NAPB: variants seen among roughly 807,000 people sequenced by gnomAD.
NAPB encodes the protein NSF attachment protein beta.
NAPB carries 26 observed loss-of-function variants against 44.7 expected under a neutral mutation model. The observed-to-expected ratio is 0.58, with a 90% CI of 0.43 to 0.81. The LOEUF (loss-of-function observed/expected upper bound fraction) is 0.81, where lower values mean the gene tolerates loss of function less well. Ranked by LOEUF, NAPB falls within the 30% of genes least tolerant of loss-of-function variation. The pLI is 0.00. For missense variants in NAPB, 315 were observed against 356.4 expected (o/e 0.88, Z 0.94); for synonymous variants, 120 against 116.8 (o/e 1.03, Z -0.18).
chr20:23,395,163 T>C lies in NAPB; in HGVS notation c.318A>G (p.Ala106=), dbSNP rs1303414198. The C allele has an allele frequency of 2.5e-6, 4 of 1,614,194 alleles. No homozygotes were observed. In the East Asian group the frequency reaches 6.7e-5, roughly 27 times the overall value. Residue 106 remains alanine, a synonymous_variant, in exon 4 of 11, where the codon GCA becomes GCG. Coordinates refer to ENST00000377026, the MANE Select transcript of NAPB (RefSeq NM_022080.3). ...DPQEAINCLN[A]AIDIYTDMGR... ...CCATGTCTGTGTAAATGTCGATGGC[T>C]GCATTTAAGCAGTTGATAGCCTCTG... is the stretch of plus-strand genomic sequence containing the variant.
At chr20:23,403,460 G>C (rs1385968504) in intron 1 of NAPB, among the ~76,000 whole-genome samples, 1 of 152,122 alleles carries the variant, frequency 6.6e-6, no homozygotes, top group Non-Finnish European at 1.5e-5. Context: ...AAAATTAGCT[G>C]GGTGTGGTGG....
intron 5 of NAPB, among the ~76,000 whole-genome samples, chr20:23,392,789 G>T (rs972062368): frequency 2.0e-5 from 3 of 151,714 alleles, no homozygotes; most frequent in African/African-American, 7.3e-5. Flanking sequence ...TCCCAAAGTG[G>T]TAGGATTATA....
At chr20:23,391,227 C>A (rs558016411) in intron 5 of NAPB, among the ~76,000 whole-genome samples, 1 of 152,158 alleles carries the variant, frequency 6.6e-6, no homozygotes, top group Admixed American at 6.5e-5. Context: ...AGGAGAACTG[C>A]TTGAACCGGG....
At position 23,413,900 on chromosome 20, in the gene NAPB, C is replaced by T. The variant is rs1057431279; in HGVS notation, c.98+7405G>A. Among the ~76,000 whole-genome samples the T allele has an allele frequency of 8.5e-5, 11 of 128,758 alleles. No homozygotes were observed. In the South Asian group the frequency reaches 1.7e-3, roughly 20 times the overall value. 84.5% of individuals were successfully genotyped at this position (128,758 alleles called of 152,430 possible). ...TCTTAAATCTTCAAAGACCAGAGTC[C>T]AAAAAAAAAAAAAGAAAAACATCCA... On this transcript the variant is annotated intron_variant, in intron 1 of 10. Transcript: ENST00000377026.
chr20:23,387,050 T>C (rs1983583099), intron 7 of NAPB, among the ~76,000 whole-genome samples: 1 of 152,138 alleles, frequency 6.6e-6, no homozygotes, highest in Non-Finnish European at 1.5e-5. Context: ...TCTCAATAGA[T>C]GCAGAAAAAA....
chr20:23,400,031 T>C (rs1403778217), intron 2 of NAPB, among the ~76,000 whole-genome samples: 2 of 152,202 alleles, frequency 1.3e-5, no homozygotes, highest in Non-Finnish European at 2.9e-5. Flanking sequence ...GAATCAGTCA[T>C]GGGCCATCCT....
In NAPB at chr20:23,421,393, C is replaced by T; in HGVS notation, c.10G>A (p.Ala4Thr). The change falls in exon 1 of 11, where the codon GCG (alanine) becomes ACG (threonine). Residue 4 changes from alanine to threonine, a missense_variant. This residue lies in a region of NAPB where 179 missense variants were observed against 182.5 expected (regional missense o/e 0.98). Coordinates refer to ENST00000377026, the MANE Select transcript of NAPB (RefSeq NM_022080.3). ...TGTACTGCCTCACGCTCCTTCCCCGCGTTGTCCATGTCGCCCGCCGCGGCC... is the reference window on the plus strand; with the variant it reads ...TGTACTGCCTCACGCTCCTTCCCCGTGTTGTCCATGTCGCCCGCCGCGGCC... MDNAGKEREAVQLM... is the reference protein window; with the variant it reads MDNTGKEREAVQLM... The T allele has an allele frequency of 6.5e-7, 1 of 1,546,598 alleles. No individual in the cohort carries two copies. Among genetic ancestry groups the T allele is most frequent in the Middle Eastern group, 1.8e-4 (1 of 5,474 alleles).
chr20:23,405,360 A>G (rs981765454), intron 1 of NAPB, among the ~76,000 whole-genome samples: 1 of 152,152 alleles, frequency 6.6e-6, no homozygotes, highest in African/African-American at 2.4e-5. Flanking sequence ...AGAGAGATAA[A>G]GAAAGAGAGA....
intron 10 of NAPB, among the ~76,000 whole-genome samples, chr20:23,378,317 C>T (rs1200957962): frequency 6.6e-6 from 1 of 151,380 alleles, no homozygotes; most frequent in Non-Finnish European, 1.5e-5. Flanking sequence ...GAGTGAGGAT[C>T]TGTTTCAAAA....
intron 1 of NAPB, among the ~76,000 whole-genome samples, chr20:23,403,845 C>T (rs189288196): frequency 1.3e-5 from 2 of 152,272 alleles, no homozygotes; most frequent in Admixed American, 6.5e-5. Flanking sequence ...TCAGAAGCCA[C>T]GTCTTATGAG....
At chr20:23,391,235 G>A (rs565612311) in intron 5 of NAPB, among the ~76,000 whole-genome samples, 3 of 152,052 alleles carry the variant, frequency 2.0e-5, no homozygotes, top group African/African-American at 4.8e-5. Flanking sequence ...TGCTTGAACC[G>A]GGGAGGCAGA....
chr20:23,382,651 C>T (rs535669465), intron 7 of NAPB, among the ~76,000 whole-genome samples: 2 of 149,998 alleles, frequency 1.3e-5, no homozygotes, highest in South Asian at 4.2e-4. Flanking sequence ...AATTTCAGAA[C>T]TGAAAAAAAA....
intron 2 of NAPB, among the ~76,000 whole-genome samples, chr20:23,399,732 C>T (rs116754362): frequency 0.011 from 1,720 of 152,268 alleles, 30 homozygotes; most frequent in African/African-American, 0.04. Context: ...GTACTTGGGG[C>T]AGCACTTAAC....
At chr20:23,420,652 G>T (rs1382558865) in intron 1 of NAPB, among the ~76,000 whole-genome samples, 13 of 152,052 alleles carry the variant, frequency 8.5e-5, no homozygotes, top group Admixed American at 7.2e-4. Flanking sequence ...AATACGACTC[G>T]CTACGCACTG....
intron 1 of NAPB, among the ~76,000 whole-genome samples, chr20:23,419,123 C>T (rs1986212407): frequency 6.6e-6 from 1 of 152,146 alleles, no homozygotes; most frequent in African/African-American, 2.4e-5. Context: ...TAAACATAAC[C>T]TCACTGAACT....
At chr20:23,378,390 A>G (rs1982696648) in intron 10 of NAPB, among the ~76,000 whole-genome samples, 1 of 150,508 alleles carries the variant, frequency 6.6e-6, no homozygotes, top group South Asian at 2.1e-4. Context: ...GGAAAAACAA[A>G]AAGTATAAAG....
Position 23,390,246 on chromosome 20 carries a change from G to A in NAPB, c.439C>T (p.Gln147Ter). ...TCTCCTTTGTAATAATCAGCAGATT[G>A]TTCATAATGTGCAATAGCCTGAAAA... ...DIEKAIAHYE[Q>*]SADYYKGEES... The change falls in exon 6 of 11, where the codon CAA becomes TAA. Residue 147 changes from glutamine to a stop codon, truncating the protein, a stop_gained. Transcript: ENST00000377026. LOFTEE classifies it high-confidence loss of function. 1 of 1,610,676 alleles carries A rather than the reference G, an allele frequency of 6.2e-7. No homozygotes were observed. The highest frequency in any genetic ancestry group is 8.5e-7 in the Non-Finnish European group (1 of 1,176,902).
rs189576499 is a variant in NAPB at position 23,382,635 on chromosome 20, A to G, written c.562-1318T>C. On this transcript the variant is annotated intron_variant, in intron 7 of 10. Coordinates refer to ENST00000377026, the MANE Select transcript of NAPB (RefSeq NM_022080.3). ...GGAAAAAAGATATAAAGTAAAAACA[A>G]ATAAAAATTTCAGAACTGAAAAAAA... Among the ~76,000 whole-genome samples the G allele has an allele frequency of 1.7e-3, 266 of 152,242 alleles. 1 individual carries two copies. The Middle Eastern group carries it at 0.044, about 25-fold the overall frequency.
rs1015228458 is a variant in NAPB, at chr20:23,376,618, A to G, written c.*758T>C. On this transcript the variant is annotated 3_prime_UTR_variant, in exon 11 of 11. Coordinates refer to ENST00000377026, the MANE Select transcript of NAPB (RefSeq NM_022080.3). Reference sequence around the variant, plus strand: ...ATATAAAGGGATTTCCACTCCAACTAAAAGTGAAAACTATCTCCAGAAAAA... The same window carrying G: ...ATATAAAGGGATTTCCACTCCAACTGAAAGTGAAAACTATCTCCAGAAAAA... The G allele has an allele frequency of 2.0e-5, 3 of 152,262 alleles. No homozygotes were observed. The highest frequency in any genetic ancestry group is 7.2e-5 in the African/African-American group (3 of 41,470). The allele number at this position is 152,262 out of a possible 1,614,324, so 9.4% of individuals were successfully genotyped here.
Sources: allele counts gnomAD v4.1 joint callset (sites outside exome capture counted in the v4.1 genomes callset), GRCh38; gene constraint gnomAD v4.1.1; regional missense constraint gnomAD v4.1.1; transcripts MANE v1.5; gene names NCBI Gene and HGNC (gene_info 2026-07-23, HGNC 2026-07-21).